The following DUSP14 variants were observed in gnomAD, a reference collection of about 807,000 sequenced individuals.
DUSP14 encodes dual specificity protein phosphatase 14.
In DUSP14, 5 loss-of-function variants were observed where a neutral mutation model predicts 13.2. The ratio of observed to expected loss-of-function variants is 0.38; its 90% CI spans 0.20 to 0.80. DUSP14 has a LOEUF of 0.80. Ranked by LOEUF, DUSP14 falls within the 30% of genes least tolerant of loss-of-function variation. The pLI, the probability that DUSP14 is intolerant of heterozygous loss-of-function variation, is 0.44. For synonymous variants in DUSP14, 91 were observed against 103.4 expected, an observed-to-expected ratio of 0.88 and a Z score of 0.73; for missense variants, 185 against 264.0, an observed-to-expected ratio of 0.70 and a Z score of 2.07.
At chr17:37,490,550 G>A (rs2054020686) in intron 1 of DUSP14, among the ~76,000 whole-genome samples, 1 of 152,184 alleles carries the variant, frequency 6.6e-6, no homozygotes, top group South Asian at 2.1e-4. Flanking sequence ...TAAAGAGGGG[G>A]TGCGTGCTGT....
At chr17:37,506,934 A>T (rs2054141731) in intron 1 of DUSP14, among the ~76,000 whole-genome samples, 1 of 151,484 alleles carries the variant, frequency 6.6e-6, no homozygotes, top group African/African-American at 2.4e-5. Context: ...GCAGATCCAC[A>T]CCCCCCCGCG....
rs367820556 is a variant in DUSP14 at position 37,494,256 on chromosome 17, A to G, written c.-181+4298A>G. Reference sequence around the variant, plus strand: ...GATCCGCCCGCCTCGGCCTCCCAAAATGCTGGGATTACAGGCGTGAGCCAC... The same window carrying G: ...GATCCGCCCGCCTCGGCCTCCCAAAGTGCTGGGATTACAGGCGTGAGCCAC... On this transcript the variant is annotated intron_variant, in intron 1 of 2. Coordinates refer to ENST00000617516, the MANE Select transcript of DUSP14 (RefSeq NM_007026.4). 1.2e-4 allele frequency among the ~76,000 whole-genome samples: 18 copies of G among 152,228 alleles called. No homozygotes were observed. The South Asian group carries it at 3.7e-3, about 32-fold the overall frequency.
rs1202129735 is a variant in DUSP14, at chr17:37,509,208, GTATATATACAC to G, written c.-180-1457_-180-1447del. Among the ~76,000 whole-genome samples the G allele has an allele frequency of 9.5e-4, 68 of 71,884 alleles. 1 individual carries two copies. The highest frequency in any genetic ancestry group is 3.5e-3 in the African/African-American group (61 of 17,348). 47.2% of individuals were successfully genotyped at this position (71,884 alleles called of 152,430 possible). A position where few individuals can be genotyped will look rare whatever the true frequency, so the allele number is the denominator to read the frequency against. Reference sequence around the variant, plus strand: ...TACTATGTATATGTGTACTATATATGTATATATACACTATATATACACACTATATACACACT... The same window carrying G: ...TACTATGTATATGTGTACTATATATGTATATATACACACTATATACACACT... On this transcript the variant is annotated intron_variant, in intron 1 of 2. Transcript: ENST00000617516.
intron 1 of DUSP14, among the ~76,000 whole-genome samples, chr17:37,499,294 C>T (rs117704733): frequency 0.046 from 7,056 of 152,226 alleles, 215 homozygotes; most frequent in Non-Finnish European, 0.073. Context: ...AGTGGGGACA[C>T]AGAGCCTAAC....
In DUSP14 at chr17:37,512,211, G is replaced by A; in HGVS notation, c.-62G>A. The A allele has an allele frequency of 7.0e-7, 1 of 1,423,172 alleles. No individual in the cohort carries two copies. The highest frequency in any genetic ancestry group is 1.3e-5 in the South Asian group (1 of 74,320). 88.2% of individuals were successfully genotyped at this position (1,423,172 alleles called of 1,614,324 possible). A position where few individuals can be genotyped will look rare whatever the true frequency, so the allele number is the denominator to read the frequency against. On this transcript the variant is annotated 5_prime_UTR_variant, in exon 3 of 3. Transcript: ENST00000617516. The surrounding 1 kb of genome is among the most constrained non-coding windows in gnomAD (Gnocchi z 4.8). ...AGACTCTAATTTTGGATTCCTTGGTGGAGGAAAATAAAACACTCTGGTCTT... is the reference window on the plus strand; with the variant it reads ...AGACTCTAATTTTGGATTCCTTGGTAGAGGAAAATAAAACACTCTGGTCTT...
chr17:37,506,109 C>CA (rs1256468746), intron 1 of DUSP14, among the ~76,000 whole-genome samples: 2 of 151,870 alleles, frequency 1.3e-5, no homozygotes, highest in African/African-American at 2.4e-5. Context: ...CTAAAAAATA[C>CA]AAAAAATTAG....
Position 37,512,924 on chromosome 17 carries a change from G to A in DUSP14, c.*55G>A, listed in dbSNP as rs369836381. The A allele has an allele frequency of 2.5e-5, 35 of 1,417,128 alleles. No homozygotes were observed. The highest frequency in any genetic ancestry group is 4.6e-5 in the East Asian group (2 of 43,402). The allele number at this position is 1,417,128 out of a possible 1,614,324, so 87.8% of individuals were successfully genotyped here. On this transcript the variant is annotated 3_prime_UTR_variant, in exon 3 of 3. Coordinates refer to ENST00000617516, the MANE Select transcript of DUSP14 (RefSeq NM_007026.4). This position sits in a 1 kb window ranked among gnomAD's most constrained non-coding sequence, Gnocchi z 4.8. The stretch of plus-strand genomic sequence containing the variant: ...GCGGGGCCGGCATCTGCTCCCCGCC[G>A]TCTGCTCCCTCTCCACTCTCTTCTC...
chr17:37,500,509 T>C (rs554846892), intron 1 of DUSP14, among the ~76,000 whole-genome samples: 1 of 152,368 alleles, frequency 6.6e-6, no homozygotes, highest in African/African-American at 2.4e-5. Flanking sequence ...ATGGTCTTGC[T>C]TCTCAGAGGG....
At chr17:37,495,007 G>A (rs1279820277) in intron 1 of DUSP14, among the ~76,000 whole-genome samples, 9 of 151,934 alleles carry the variant, frequency 5.9e-5, no homozygotes, top group African/African-American at 1.7e-4. Flanking sequence ...AACCACATGC[G>A]GATAAATTAG....
At chr17:37,504,109 A>T (rs1326845532) in intron 1 of DUSP14, among the ~76,000 whole-genome samples, 1 of 152,134 alleles carries the variant, frequency 6.6e-6, no homozygotes, top group Non-Finnish European at 1.5e-5. Context: ...CAGGAGAATC[A>T]CTTGAACCCG....
intron 1 of DUSP14, among the ~76,000 whole-genome samples, chr17:37,509,407 T>G (rs1451672258): frequency 1.4e-5 from 2 of 147,030 alleles, no homozygotes; most frequent in South Asian, 4.4e-4. Context: ...AACCTCCACC[T>G]CCTCCTGGGT....
At position 37,513,267 on chromosome 17, in the gene DUSP14, C is replaced by T. The variant is rs138399609; in HGVS notation, c.*398C>T. The T allele has an allele frequency of 5.9e-3, 1,110 of 187,198 alleles. 2 individuals carry two copies. Among genetic ancestry groups the T allele is most frequent in the Middle Eastern group, 9.9e-3 (4 of 404 alleles). 11.6% of individuals were successfully genotyped at this position (187,198 alleles called of 1,614,324 possible). A position where few individuals can be genotyped will look rare whatever the true frequency, so the allele number is the denominator to read the frequency against. On this transcript the variant is annotated 3_prime_UTR_variant, in exon 3 of 3. Coordinates refer to ENST00000617516, the MANE Select transcript of DUSP14 (RefSeq NM_007026.4). ...TAGAGACAAGCTTTGCCCCAGGCTG[C>T]GGACCAGACAGATGCTTAGGGAAGG...
chr17:37,502,920 G>A (rs2054114378), intron 1 of DUSP14, among the ~76,000 whole-genome samples: 1 of 152,192 alleles, frequency 6.6e-6, no homozygotes, highest in Non-Finnish European at 1.5e-5. Context: ...GCCTAGGTTG[G>A]AGTGCAGTGG....
intron 1 of DUSP14, among the ~76,000 whole-genome samples, chr17:37,498,045 C>CAAAA (rs1209927173): frequency 8.6e-6 from 1 of 116,888 alleles, no homozygotes; most frequent in Non-Finnish European, 1.8e-5. Context: ...GACCCTGTCT[C>CAAAA]AAAAAAAAAA....
rs1177502708 is a variant in DUSP14 at position 37,510,767 on chromosome 17, G to T, written c.-93+3G>T. On this transcript the variant is annotated splice_donor_region_variant and intron_variant, in intron 2 of 2. Coordinates refer to ENST00000617516, the MANE Select transcript of DUSP14 (RefSeq NM_007026.4). ...GCGCACACTGGACTCTTGAGGAAGT[G>T]AGTACCCCACCACTGCCTGCCTGTT... The T allele has an allele frequency of 1.3e-5, 2 of 152,186 alleles. No individual in the cohort carries two copies. Among genetic ancestry groups the T allele is most frequent in the Non-Finnish European group, 2.9e-5 (2 of 68,084 alleles). 9.4% of individuals were successfully genotyped at this position (152,186 alleles called of 1,614,324 possible).
At chr17:37,506,671 G>A (rs2054140047) in intron 1 of DUSP14, among the ~76,000 whole-genome samples, 1 of 152,100 alleles carries the variant, frequency 6.6e-6, no homozygotes, top group African/African-American at 2.4e-5. Context: ...AATACCCATG[G>A]GTTTTTTATT....
In DUSP14 at chr17:37,512,700, C is replaced by T; in HGVS notation, c.428C>T (p.Ala143Val). 12 of 1,614,086 alleles carry T rather than the reference C, an allele frequency of 7.4e-6. No homozygotes were observed. The highest frequency in any genetic ancestry group is 9.3e-6 in the Non-Finnish European group (11 of 1,180,032). The change falls in exon 3 of 3, where the codon GCC becomes GTC. Residue 143 changes from alanine to valine, a missense_variant. By Grantham distance (64) the Ala-to-Val change is moderately conservative. Coordinates refer to ENST00000617516, the MANE Select transcript of DUSP14 (RefSeq NM_007026.4). This position sits in a 1 kb window ranked among gnomAD's most constrained non-coding sequence, Gnocchi z 4.8. Reference sequence around the variant, plus strand: ...CTGGAGGCGTACAACTGGGTGAAAGCCCGGCGACCTGTCATCAGGCCCAAC... The same window carrying T: ...CTGGAGGCGTACAACTGGGTGAAAGTCCGGCGACCTGTCATCAGGCCCAAC... ...CLLEAYNWVK[A>V]RRPVIRPNVG...
intron 2 of DUSP14, among the ~76,000 whole-genome samples, chr17:37,511,938 C>CGTTTTTTTTTTTTT (rs1568206074): frequency 2.6e-5 from 1 of 38,248 alleles, no homozygotes; most frequent in Non-Finnish European, 4.6e-5. Flanking sequence ...CCCCACCCCA[C>CGTTTTTTTTTTTTT]TTTTTTTTTT....
At chr17:37,492,082 GT>G (rs975583691) in intron 1 of DUSP14, among the ~76,000 whole-genome samples, 2 of 152,226 alleles carry the variant, frequency 1.3e-5, no homozygotes, top group Non-Finnish European at 2.9e-5. Flanking sequence ...CAAGTAATGT[GT>G]TTAAGTACAA....
Sources: allele counts gnomAD v4.1 joint callset (sites outside exome capture counted in the v4.1 genomes callset), GRCh38; gene constraint gnomAD v4.1.1; non-coding constraint Gnocchi (gnomAD v3.1); transcripts MANE v1.5; gene names NCBI Gene and HGNC (gene_info 2026-07-23, HGNC 2026-07-21).